ICOS: variants seen among roughly 807,000 people sequenced by gnomAD.
ICOS encodes the protein inducible T-cell costimulator.
In ICOS, 15 loss-of-function variants were observed where a neutral mutation model predicts 24.6. The ratio of observed to expected loss-of-function variants is 0.61; its 90% CI spans 0.41 to 0.94. ICOS has a LOEUF of 0.94. ICOS is among the 40% of genes least tolerant of loss of function. The probability of loss-of-function intolerance (pLI) is 0.00; values close to 1 mark genes in which losing one functional copy is unlikely to be tolerated. For synonymous variants in ICOS, 89 were observed against 77.5 expected (o/e 1.15, Z -0.78); for missense variants, 200 against 233.0 (o/e 0.86, Z 0.92).
At chr2:203,937,828 A>G (rs1689685831) in intron 1 of ICOS, among the ~76,000 whole-genome samples, 1 of 152,216 alleles carries the variant, frequency 6.6e-6, no homozygotes, top group Non-Finnish European at 1.5e-5. Context: ...GTGCTGGCTC[A>G]AAGTGAGTTA....
At chr2:203,952,382 T>C (rs1690001114) in intron 1 of ICOS, among the ~76,000 whole-genome samples, 1 of 152,230 alleles carries the variant, frequency 6.6e-6, no homozygotes, top group African/African-American at 2.4e-5. Flanking sequence ...ATTGGAGGTA[T>C]ATGTTATAAT....
intron 1 of ICOS, among the ~76,000 whole-genome samples, chr2:203,943,720 G>A (rs1377297639): frequency 6.6e-6 from 1 of 152,122 alleles, no homozygotes. Context: ...AGAACTCCCA[G>A]GATTATATGC....
chr2:203,946,463 A>G (rs577353652), intron 1 of ICOS, among the ~76,000 whole-genome samples: 28 of 133,456 alleles, frequency 2.1e-4, no homozygotes, highest in African/African-American at 6.5e-4. Context: ...CATTTAGGTT[A>G]GATTGGGTTT....
intron 1 of ICOS, 30 bp from the exon 2 acceptor site, chr2:203,955,606 T>C: frequency 6.5e-7 from 1 of 1,549,278 alleles, no homozygotes; most frequent in Non-Finnish European, 8.9e-7. Context: ...AAAATGTCAC[T>C]TTTGCTTTGT....
chr2:203,952,274 A>C (rs1689993147), intron 1 of ICOS, among the ~76,000 whole-genome samples: 1 of 152,238 alleles, frequency 6.6e-6, no homozygotes, highest in East Asian at 1.9e-4. Context: ...GAAGAAATCA[A>C]AACATGTATA....
intron 1 of ICOS, among the ~76,000 whole-genome samples, chr2:203,938,015 C>G (rs940599425): frequency 1.5e-4 from 23 of 152,198 alleles, no homozygotes; most frequent in African/African-American, 5.5e-4. Context: ...GCATTGAGCA[C>G]CTGCCTGGTA....
At chr2:203,956,812 C>CTGTAA in intron 3 of ICOS, 47 bp downstream of exon 3, 3 of 1,224,242 alleles carry the variant, frequency 2.5e-6, no homozygotes, top group Non-Finnish European at 3.6e-6. Flanking sequence ...AGATGCACAT[C>CTGTAA]AGTGATTATT....
At chr2:203,943,501 A>C (rs1353310731) in intron 1 of ICOS, among the ~76,000 whole-genome samples, 1 of 152,044 alleles carries the variant, frequency 6.6e-6, no homozygotes, top group Non-Finnish European at 1.5e-5. Context: ...GATTCCTGTG[A>C]TGTGAACCAT....
chr2:203,945,682 C>G (rs1689855194), intron 1 of ICOS, among the ~76,000 whole-genome samples: 1 of 152,136 alleles, frequency 6.6e-6, no homozygotes, highest in African/African-American at 2.4e-5. Flanking sequence ...TGTAACTAAA[C>G]ACATAAAAGG....
chr2:203,944,263 T>C (rs769526102), intron 1 of ICOS, among the ~76,000 whole-genome samples: 5 of 152,202 alleles, frequency 3.3e-5, no homozygotes, highest in Non-Finnish European at 5.9e-5. Context: ...GATGGATCCC[T>C]GTGGTGCCTG....
In ICOS at chr2:203,959,794, T is replaced by C; in HGVS notation, c.*195T>C. On this transcript the variant is annotated 3_prime_UTR_variant, in exon 5 of 5. Transcript: ENST00000316386. ...AACAGACTGCCTTGGTACTGCCGAG[T>C]CCTCTCAAAACAAACACCCTCTTGC... 1 of 658,362 alleles carries C rather than the reference T, an allele frequency of 1.5e-6. No homozygotes were observed. The highest frequency in any genetic ancestry group is 2.7e-6 in the Non-Finnish European group (1 of 365,870). The allele number at this position is 658,362 out of a possible 1,614,324, so 40.8% of individuals were successfully genotyped here.
At chr2:203,942,156 GATAA>G (rs1451194397) in intron 1 of ICOS, among the ~76,000 whole-genome samples, 3 of 152,110 alleles carry the variant, frequency 2.0e-5, no homozygotes, top group Admixed American at 6.5e-5. Flanking sequence ...TTTTGAATTT[GATAA>G]ATAGATTTTT....
chr2:203,946,298 AG>A (rs1241506776), intron 1 of ICOS, among the ~76,000 whole-genome samples: 1 of 152,140 alleles, frequency 6.6e-6, no homozygotes, highest in Non-Finnish European at 1.5e-5. Flanking sequence ...AGAGAACCAA[AG>A]GGTTGTTTTG....
At chr2:203,944,637 C>T (rs898201269) in intron 1 of ICOS, among the ~76,000 whole-genome samples, 1 of 152,176 alleles carries the variant, frequency 6.6e-6, no homozygotes, top group Non-Finnish European at 1.5e-5. Flanking sequence ...TATGATTGAG[C>T]TTCCACTATG....
At chr2:203,940,324 A>G (rs1196479499) in intron 1 of ICOS, among the ~76,000 whole-genome samples, 1 of 152,212 alleles carries the variant, frequency 6.6e-6, no homozygotes, top group East Asian at 1.9e-4. Context: ...TTCCTCTTAC[A>G]GTATTTCTCT....
chr2:203,940,714 C>A (rs935745323), intron 1 of ICOS, among the ~76,000 whole-genome samples: 13 of 150,890 alleles, frequency 8.6e-5, no homozygotes. Flanking sequence ...CTATTTACTT[C>A]AGTATTGGAA....
At chr2:203,941,292 G>A (rs971151165) in intron 1 of ICOS, among the ~76,000 whole-genome samples, 2 of 151,592 alleles carry the variant, frequency 1.3e-5, no homozygotes, top group Admixed American at 1.3e-4. Flanking sequence ...TTCATCATTT[G>A]TGAACAAAAT....
At chr2:203,952,421 T>C (rs943971872) in intron 1 of ICOS, among the ~76,000 whole-genome samples, 1 of 152,234 alleles carries the variant, frequency 6.6e-6, no homozygotes, top group African/African-American at 2.4e-5. Context: ...TTATTGTTGA[T>C]GTTGAAACAG....
intron 1 of ICOS, among the ~76,000 whole-genome samples, chr2:203,939,709 C>T (rs1689729276): frequency 6.6e-6 from 1 of 152,188 alleles, no homozygotes; most frequent in Non-Finnish European, 1.5e-5. Flanking sequence ...CTGAATTCCA[C>T]TTGGGAAAAG....
Sources: gnomAD v4.1 joint callset for allele counts (sites outside exome capture counted in the v4.1 genomes callset) on GRCh38, gnomAD v4.1.1 for gene constraint, MANE v1.5 for transcripts, NCBI Gene and HGNC (gene_info 2026-07-23, HGNC 2026-07-21) for gene names.